Variants in PITPNM3 observed in about 807,000 individuals in gnomAD.
PITPNM3 encodes PITPNM family member 3.
PITPNM3 carries 26 observed loss-of-function variants against 102.0 expected under a neutral mutation model. The observed-to-expected ratio is 0.25, with a 90% confidence interval of 0.19 to 0.35. The LOEUF is 0.35. Among genes scored for constraint, PITPNM3 ranks in the 10% least tolerant of loss-of-function variants. The pLI is 1.00. For missense variants in PITPNM3, 1,083 were observed against 1,346.1 expected, an observed-to-expected ratio of 0.80 and a Z score of 3.06; for synonymous variants, 578 against 558.6, an observed-to-expected ratio of 1.03 and a Z score of -0.49.
chr17:6,532,545 T>C (rs1376629485), intron 2 of PITPNM3, among the ~76,000 whole-genome samples: 1 of 152,102 alleles, frequency 6.6e-6, no homozygotes, highest in Non-Finnish European at 1.5e-5. Flanking sequence ...CACCACAGAT[T>C]GGTTTTCATG....
At chr17:6,492,938 C>G (rs1368141229) in intron 4 of PITPNM3, among the ~76,000 whole-genome samples, 1 of 151,704 alleles carries the variant, frequency 6.6e-6, no homozygotes, top group Non-Finnish European at 1.5e-5. Context: ...AACTCAATAC[C>G]ACTTGCCTAT....
At position 6,478,521 on chromosome 17, in the gene PITPNM3, G is replaced by C; in HGVS notation, c.777+26C>G. ...GCCGGGGCCGGAACAGGGGAGGGGA[G>C]AGGAGGAGAGGGCAGGCTGTCCTAC... On this transcript the variant is annotated intron_variant, in intron 7 of 19. Transcript: ENST00000262483. This position sits in a 1 kb window ranked among gnomAD's most constrained non-coding sequence, Gnocchi z 4.4. 6.2e-7 allele frequency: 1 copy of C among 1,612,378 alleles called. No homozygotes were observed. Among genetic ancestry groups the C allele is most frequent in the African/African-American group, 1.3e-5 (1 of 75,054 alleles).
chr17:6,552,761 TC>T (rs372632024), intron 1 of PITPNM3, among the ~76,000 whole-genome samples: 2 of 136,240 alleles, frequency 1.5e-5, no homozygotes, highest in Admixed American at 7.7e-5. Flanking sequence ...CCTTTCTTTT[TC>T]TTTTTTTTTT....
chr17:6,509,128 C>T (rs532789800), intron 3 of PITPNM3, among the ~76,000 whole-genome samples: 1 of 152,310 alleles, frequency 6.6e-6, no homozygotes, highest in Non-Finnish European at 1.5e-5. Context: ...AGGCTCTGGG[C>T]CCCACCAATC....
At position 6,461,482 on chromosome 17, in the gene PITPNM3, G is replaced by A. The variant is rs1354990286; in HGVS notation, c.2381C>T (p.Ser794Leu). 5.0e-6 allele frequency: 8 copies of A among 1,614,206 alleles called. No individual in the cohort carries two copies. The highest frequency in any genetic ancestry group is 1.6e-4 in the Middle Eastern group (1 of 6,062). Reference sequence around the variant, plus strand: ...TGGGAAGTTGTGCTGGGACAGCCACGACACCACCCGCTGCTTCTGCATGTC... The same window carrying A: ...TGGGAAGTTGTGCTGGGACAGCCACAACACCACCCGCTGCTTCTGCATGTC... The part of the protein sequence containing the change: ...RPDMQKQRVV[S>L]WLSQHNFPQG... The change falls in exon 18 of 20, where the codon TCG (serine) becomes TTG (leucine). Residue 794 changes from serine (S) to leucine (L), a missense_variant. Ser to Leu is a moderately radical substitution (Grantham distance 145). This residue lies in a region of PITPNM3 where 410 missense variants were observed against 638.4 expected (regional missense o/e 0.64). Transcript: ENST00000262483.
intron 14 of PITPNM3, among the ~76,000 whole-genome samples, chr17:6,467,576 AG>A (rs1316443650): frequency 1.3e-5 from 2 of 152,238 alleles, no homozygotes; most frequent in African/African-American, 4.8e-5. Flanking sequence ...TCTACCTTTT[AG>A]GACTGTTCTT....
At position 6,457,597 on chromosome 17, in the gene PITPNM3, G is replaced by A; in HGVS notation, c.2616C>T (p.Cys872=). 1.2e-6 allele frequency: 2 copies of A among 1,609,008 alleles called. No individual in the cohort carries two copies. The highest frequency in any genetic ancestry group is 1.7e-6 in the Non-Finnish European group (2 of 1,178,040). Residue 872 remains cysteine (C), a synonymous_variant, in exon 19 of 20, where the codon TGC becomes TGT. Transcript: ENST00000262483. The surrounding 1 kb of genome is among the most constrained non-coding windows in gnomAD (Gnocchi z 4.7). ...CTCCAGCCCCGCCTCCACCCACCTG[G>A]CACTGGGTTTGGTACTTCTTGGTGG... The part of the protein sequence containing the change: ...GRPTKKYQTQ[C]QFLSEGYAAH...
chr17:6,546,380 A>G (rs1382383648), intron 1 of PITPNM3, among the ~76,000 whole-genome samples: 1 of 152,250 alleles, frequency 6.6e-6, no homozygotes, highest in Middle Eastern at 3.2e-3. Flanking sequence ...TCATCCATCC[A>G]TCGGTAATGC....
Position 6,451,493 on chromosome 17 carries a change from A to C in PITPNM3, c.*3845T>G, listed in dbSNP as rs1913831019. The C allele has an allele frequency of 6.6e-6, 1 of 152,214 alleles. No homozygotes were observed. Among genetic ancestry groups the C allele is most frequent in the Admixed American group, 6.5e-5 (1 of 15,278 alleles). 9.4% of individuals were successfully genotyped at this position (152,214 alleles called of 1,614,324 possible). On this transcript the variant is annotated 3_prime_UTR_variant, in exon 20 of 20. Coordinates refer to ENST00000262483, the MANE Select transcript of PITPNM3 (RefSeq NM_031220.4). ...AACCATCTGTCACAGATAATACTGA[A>C]AGTTACACACTTAGGAACAGTCAGA... is the stretch of plus-strand genomic sequence containing the variant.
rs1372365188 is a variant in PITPNM3, at chr17:6,469,187, C to T, written c.1774-846G>A. ...TGGCACTCATCGCCAGTTGTAAATG[C>T]CGTCCAAGCTCTGATGACACCCACA... is the stretch of plus-strand genomic sequence containing the variant. On this transcript the variant is annotated intron_variant, in intron 13 of 19. Coordinates refer to ENST00000262483, the MANE Select transcript of PITPNM3 (RefSeq NM_031220.4). The surrounding 1 kb of genome is among the most constrained non-coding windows in gnomAD (Gnocchi z 4.0). Among the ~76,000 whole-genome samples, 2 of 152,176 alleles carry T rather than the reference C, an allele frequency of 1.3e-5. No individual in the cohort carries two copies. Among genetic ancestry groups the T allele is most frequent in the African/African-American group, 4.8e-5 (2 of 41,432 alleles).
intron 10 of PITPNM3, among the ~76,000 whole-genome samples, chr17:6,473,435 C>G (rs897631385): frequency 1.3e-5 from 2 of 152,188 alleles, no homozygotes; most frequent in African/African-American, 4.8e-5. Flanking sequence ...ATTAGCGACA[C>G]TGAGGGCAGC....
At position 6,455,577 on chromosome 17, in the gene PITPNM3, T is replaced by C; in HGVS notation, c.2686A>G (p.Lys896Glu). 6.3e-7 allele frequency: 1 copy of C among 1,598,416 alleles called. No individual in the cohort carries two copies. Among genetic ancestry groups the C allele is most frequent in the Non-Finnish European group, 8.5e-7 (1 of 1,178,722 alleles). ...CGCAGGATCATGCGCGAGTTGTTCT[T>C]CTTTGGGCGTGAGCGGTGGCTGGCC... ...LEASHRSRPKKNNSRMILRKG... is the reference protein window; with the variant it reads ...LEASHRSRPKENNSRMILRKG... The change falls in exon 20 of 20, where the codon AAG (lysine) becomes GAG (glutamate). Residue 896 changes from lysine (K) to glutamate (E), a missense_variant. By Grantham distance (56) the Lys-to-Glu change is moderately conservative. Around this residue, in one of 5 missense-constraint regions of PITPNM3, gnomAD observed 208 missense variants for 178.2 expected, o/e 1.17. Coordinates refer to ENST00000262483, the MANE Select transcript of PITPNM3 (RefSeq NM_031220.4).
intron 2 of PITPNM3, among the ~76,000 whole-genome samples, chr17:6,529,320 C>A (rs568184781): frequency 6.6e-6 from 1 of 152,290 alleles, no homozygotes; most frequent in East Asian, 1.9e-4. Context: ...CTTGGCCAGG[C>A]GCAGTGACTC....
chr17:6,461,098 A>G (rs1904423807), intron 18 of PITPNM3: 1 of 530,050 alleles, frequency 1.9e-6, no homozygotes, highest in African/African-American at 1.9e-5. Context: ...CTATTGGATG[A>G]ATGGCCAGAT....
chr17:6,530,397 A>G (rs79645914), intron 2 of PITPNM3, among the ~76,000 whole-genome samples: 98 of 152,296 alleles, frequency 6.4e-4, no homozygotes, highest in African/African-American at 2.2e-3. Context: ...CCCAATTGCT[A>G]TGGGAAACCA....
chr17:6,477,169 G>A lies in PITPNM3; in HGVS notation c.945C>T (p.Ser315=). The change falls in exon 9 of 20, where the codon AGC becomes AGT. Residue 315 remains serine (S), a synonymous_variant. Coordinates refer to ENST00000262483, the MANE Select transcript of PITPNM3 (RefSeq NM_031220.4). ...AVEEDCSLAS[S]KRLSKSNIDI... is the part of the protein sequence containing the mutation. ...CAATGTTGCTTTTGCTGAGACGCTTGCTGCTGGCCAGGCTGCAATCTTCCT... is the reference window on the plus strand; with the variant it reads ...CAATGTTGCTTTTGCTGAGACGCTTACTGCTGGCCAGGCTGCAATCTTCCT... 6.2e-7 allele frequency: 1 copy of A among 1,614,168 alleles called. No individual in the cohort carries two copies.
At chr17:6,507,532 C>A (rs1042168320) in intron 3 of PITPNM3, among the ~76,000 whole-genome samples, 1 of 151,894 alleles carries the variant, frequency 6.6e-6, no homozygotes, top group African/African-American at 2.4e-5. Flanking sequence ...AGCAGTGAGC[C>A]GAGATAGTGC....
At position 6,478,941 on chromosome 17, in the gene PITPNM3, C is replaced by T. The variant is rs777612411; in HGVS notation, c.588-205G>A. The T allele has an allele frequency of 3.3e-6, 2 of 601,682 alleles. No homozygotes were observed. Among genetic ancestry groups the T allele is most frequent in the Non-Finnish European group, 5.9e-6 (2 of 341,650 alleles). The allele number at this position is 601,682 out of a possible 1,614,324, so 37.3% of individuals were successfully genotyped here. A position where few individuals can be genotyped will look rare whatever the true frequency, so the allele number is the denominator to read the frequency against. On this transcript the variant is annotated intron_variant, in intron 6 of 19. Coordinates refer to ENST00000262483, the MANE Select transcript of PITPNM3 (RefSeq NM_031220.4). The surrounding 1 kb of genome is among the most constrained non-coding windows in gnomAD (Gnocchi z 4.4). ...AAGAGGATTCAAGCCTACACTGACT[C>T]CCTGTGTGTCCTTCCCGTGCTGGCC...
chr17:6,473,901 C>T (rs749866596), intron 10 of PITPNM3, among the ~76,000 whole-genome samples: 2 of 148,766 alleles, frequency 1.3e-5, no homozygotes, highest in African/African-American at 5.0e-5. Flanking sequence ...TGGTTTAACC[C>T]GGGAGGCAGA....
Sources: allele counts gnomAD v4.1 joint callset (sites outside exome capture counted in the v4.1 genomes callset), GRCh38; gene constraint gnomAD v4.1.1; regional missense constraint gnomAD v4.1.1; non-coding constraint Gnocchi (gnomAD v3.1); transcripts MANE v1.5; gene names NCBI Gene and HGNC (gene_info 2026-07-23, HGNC 2026-07-21).